Variants in NCAPG observed in about 807,000 individuals in gnomAD.
NCAPG encodes non-SMC condensin I complex subunit G, also known as condensin complex subunit 3.
In NCAPG, 69 loss-of-function variants were observed where a neutral mutation model predicts 113.1. The observed-to-expected ratio is 0.61, with a 90% CI of 0.50 to 0.75. The LOEUF (loss-of-function observed/expected upper bound fraction) is 0.75, where lower values mean the gene tolerates loss of function less well. Ranked by LOEUF, NCAPG falls within the 30% of genes least tolerant of loss-of-function variation. The pLI is 0.00. For missense variants in NCAPG, 1,058 were observed against 1,177.0 expected, an observed-to-expected ratio of 0.90 and a Z score of 1.48; for synonymous variants, 370 against 415.8, an observed-to-expected ratio of 0.89 and a Z score of 1.34.
At chr4:17,839,475 C>T (rs1722242277) in intron 16 of NCAPG, among the ~76,000 whole-genome samples, 1 of 152,020 alleles carries the variant, frequency 6.6e-6, no homozygotes, top group African/African-American at 2.4e-5. Context: ...TGGAACTGGG[C>T]CCTATATCAC....
At position 17,817,287 on chromosome 4, in the gene NCAPG, C is replaced by T. The variant is rs1263600801; in HGVS notation, c.802C>T (p.His268Tyr). The T allele has an allele frequency of 1.9e-6, 3 of 1,613,774 alleles. No individual in the cohort carries two copies. In the African/African-American group the frequency reaches 4.0e-5, roughly 22 times the overall value. The part of the protein sequence containing the change: ...SDAVKQAMQK[H>Y]LLQGWLRFSE... ...TGCTGTGAAACAAGCTATGCAGAAG[C>T]ATCTTCTTCAAGGCTGGTTACGGTT... is the stretch of plus-strand genomic sequence containing the variant. The change falls in exon 6 of 21, where the codon CAT (histidine) becomes TAT (tyrosine). Residue 268 changes from histidine to tyrosine, a missense_variant. Coordinates refer to ENST00000251496, the MANE Select transcript of NCAPG (RefSeq NM_022346.5).
At chr4:17,834,026 T>C (rs1721981422) in intron 13 of NCAPG, among the ~76,000 whole-genome samples, 1 of 152,212 alleles carries the variant, frequency 6.6e-6, no homozygotes, top group African/African-American at 2.4e-5. Context: ...TAATTCAGCC[T>C]GACTCCAACT....
rs1223567638 is a variant in NCAPG, at chr4:17,843,926, TCAA to T, written c.*507_*509del. On this transcript the variant is annotated 3_prime_UTR_variant, in exon 21 of 21. Coordinates refer to ENST00000251496, the MANE Select transcript of NCAPG (RefSeq NM_022346.5). ...CCAGTGAGGAAGACCAGTATAACGT[TCAA>T]CAACAGTTATTTTGACAAAAACTTA... 1 of 152,144 alleles carries T rather than the reference TCAA, an allele frequency of 6.6e-6. No homozygotes were observed. The highest frequency in any genetic ancestry group is 1.9e-4 in the East Asian group (1 of 5,200). The allele number at this position is 152,144 out of a possible 1,614,324, so 9.4% of individuals were successfully genotyped here. A position where few individuals can be genotyped will look rare whatever the true frequency, so the allele number is the denominator to read the frequency against.
chr4:17,840,225 A>C lies in NCAPG; in HGVS notation c.2767+16A>C, dbSNP rs2286535. The C allele has an allele frequency of 0.16, 254,934 of 1,557,684 alleles. 23,208 individuals carry two copies. The highest frequency in any genetic ancestry group is 0.33 in the African/African-American group (23,957 of 71,580). On this transcript the variant is annotated intron_variant, in intron 18 of 20. Coordinates refer to ENST00000251496, the MANE Select transcript of NCAPG (RefSeq NM_022346.5). ...AATGAAGATGGTAATCACATACTGA[A>C]CAGAATATTTATAAGGTTCTGTTTT...
chr4:17,840,485 T>C, intron 18 of NCAPG, 122 bp from the exon 19 acceptor site: 1 of 643,744 alleles, frequency 1.6e-6, no homozygotes, highest in Non-Finnish European at 2.3e-6. Flanking sequence ...GATTTATAAC[T>C]TTTCACTAGC....
chr4:17,815,144 CT>C, intron 4 of NCAPG, 129 bp from the exon 5 acceptor site: 1 of 1,252,026 alleles, frequency 8.0e-7, no homozygotes, highest in Non-Finnish European at 1.1e-6. Flanking sequence ...TAGAATCTTA[CT>C]GTATTAAGTA....
intron 7 of NCAPG, among the ~76,000 whole-genome samples, chr4:17,822,257 G>A (rs1254551856): frequency 1.4e-5 from 2 of 146,676 alleles, no homozygotes; most frequent in East Asian, 2.0e-4. Context: ...GCAGTGGTGC[G>A]ATCTCGGCTC....
chr4:17,826,221 G>A (rs1721652480), intron 11 of NCAPG, among the ~76,000 whole-genome samples: 1 of 152,042 alleles, frequency 6.6e-6, no homozygotes, highest in African/African-American at 2.4e-5. Flanking sequence ...GTAAACATAA[G>A]ATAGGTATCA....
intron 5 of NCAPG, among the ~76,000 whole-genome samples, chr4:17,816,594 C>T (rs139347452): frequency 2.8e-4 from 43 of 152,222 alleles, no homozygotes; most frequent in African/African-American, 9.1e-4. Context: ...TGTTCAGTGA[C>T]GTGTGCTTGT....
chr4:17,828,873 T>G (rs1016064314), intron 12 of NCAPG, among the ~76,000 whole-genome samples: 7 of 151,708 alleles, frequency 4.6e-5, no homozygotes, highest in South Asian at 2.1e-4. Context: ...AGGAATATAG[T>G]GCAAACCATA....
chr4:17,811,456 G>A lies in NCAPG; in HGVS notation c.111+268G>A, dbSNP rs1395268019. On this transcript the variant is annotated intron_variant, in intron 1 of 20. Transcript: ENST00000251496. The surrounding 1 kb of genome is among the most constrained non-coding windows in gnomAD (Gnocchi z 5.3). The stretch of plus-strand genomic sequence containing the variant: ...CCGACACCCCCAGCTTCTGGGCGGC[G>A]TGGACCGTTATTCCTTAGTCCGATC... Among the ~76,000 whole-genome samples the A allele has an allele frequency of 6.6e-6, 1 of 152,222 alleles. No homozygotes were observed. Among genetic ancestry groups the A allele is most frequent in the Non-Finnish European group, 1.5e-5 (1 of 68,036 alleles).
At chr4:17,825,755 A>G (rs751779521) in intron 11 of NCAPG, among the ~76,000 whole-genome samples, 194 bp downstream of exon 11, 1 of 152,080 alleles carries the variant, frequency 6.6e-6, no homozygotes, top group Non-Finnish European at 1.5e-5. Context: ...AACTTTAATT[A>G]TTGGAGGTAG....
chr4:17,843,659 C>T lies in NCAPG; in HGVS notation c.*234C>T, dbSNP rs1722647797. On this transcript the variant is annotated 3_prime_UTR_variant, in exon 21 of 21. Transcript: ENST00000251496. The stretch of plus-strand genomic sequence containing the variant: ...AGATTTATCACAATCTGAGGTGGGC[C>T]TAGGAATCTCATTTTTAAATAGTCT... The T allele has an allele frequency of 3.1e-6, 1 of 321,822 alleles. No individual in the cohort carries two copies. Among genetic ancestry groups the T allele is most frequent in the African/African-American group, 2.1e-5 (1 of 47,742 alleles). 19.9% of individuals were successfully genotyped at this position (321,822 alleles called of 1,614,324 possible). A position where few individuals can be genotyped will look rare whatever the true frequency, so the allele number is the denominator to read the frequency against.
chr4:17,840,496 T>C (rs889973106), intron 18 of NCAPG, 111 bp from the exon 19 acceptor site: 2 of 661,516 alleles, frequency 3.0e-6, no homozygotes, highest in Middle Eastern at 4.7e-4. Context: ...TTTCACTAGC[T>C]GCTAGAAGGA....
intron 17 of NCAPG, 96 bp downstream of exon 17, chr4:17,839,933 T>C (rs2109067177): frequency 3.5e-6 from 5 of 1,440,850 alleles, no homozygotes; most frequent in South Asian, 2.7e-5. Flanking sequence ...TGTTAGCATA[T>C]TGTGACTTAT....
intron 8 of NCAPG, 84 bp downstream of exon 8, chr4:17,823,207 C>T (rs41268413): frequency 0.016 from 20,600 of 1,295,536 alleles, 217 homozygotes; most frequent in Non-Finnish European, 0.019. Context: ...TATAACTAAA[C>T]ATATTTACCC....
Position 17,843,304 on chromosome 4 carries a change from A to G in NCAPG, c.2927A>G (p.Asp976Gly), listed in dbSNP as rs1488857911. The change falls in exon 21 of 21, where the codon GAT becomes GGT. Residue 976 changes from aspartate to glycine, a missense_variant and splice_region_variant. Asp to Gly is a moderately conservative substitution (Grantham distance 94). Transcript: ENST00000251496. ...CQTAEADSES[D>G]HEVPEPESEM... ...GTGTATTTTCAACATCTATTTAGTG[A>G]TCATGAAGTTCCAGAACCAGAATCA... 3.7e-6 allele frequency: 6 copies of G among 1,611,256 alleles called. No homozygotes were observed. In the Middle Eastern group the frequency reaches 8.3e-4, roughly 222 times the overall value.
At position 17,813,053 on chromosome 4, in the gene NCAPG, T is replaced by C; in HGVS notation, c.452T>C (p.Leu151Ser). ...DKINKAMLIR[L>S]KDKIPNVRIQ... ...ATTAATAAAGCCATGCTTATTAGATTGAAAGATAAGATTCCAAATGTGAGA... is the reference window on the plus strand; with the variant it reads ...ATTAATAAAGCCATGCTTATTAGATCGAAAGATAAGATTCCAAATGTGAGA... The change falls in exon 3 of 21, where the codon TTG becomes TCG. Residue 151 changes from leucine to serine, a missense_variant. By Grantham distance (145) the Leu-to-Ser change is moderately radical (BLOSUM62 -2). Transcript: ENST00000251496. 6.2e-7 allele frequency: 1 copy of C among 1,614,074 alleles called. No individual in the cohort carries two copies. Among genetic ancestry groups the C allele is most frequent in the South Asian group, 1.1e-5 (1 of 91,086 alleles).
chr4:17,822,028 A>C (rs572958821), intron 7 of NCAPG, among the ~76,000 whole-genome samples: 12 of 152,190 alleles, frequency 7.9e-5, no homozygotes, highest in Admixed American at 5.9e-4. Flanking sequence ...GTATACAGAG[A>C]TTAGTAGGGT....
Sources: gnomAD v4.1 joint callset for allele counts (sites outside exome capture counted in the v4.1 genomes callset) on GRCh38, gnomAD v4.1.1 for gene constraint, Gnocchi (gnomAD v3.1) non-coding constraint, MANE v1.5 for transcripts, NCBI Gene and HGNC (gene_info 2026-07-23, HGNC 2026-07-21) for gene names.